Variants in PDE11A observed in about 807,000 individuals in gnomAD.
PDE11A encodes phosphodiesterase 11A, also known as dual 3',5'-cyclic-AMP and -GMP phosphodiesterase 11A.
Under a neutral mutation model 100.5 loss-of-function variants are expected in PDE11A, and 100 were observed. That is an observed-to-expected ratio of 1.00 (90% CI 0.85 to 1.18). PDE11A has a LOEUF of 1.18. Ranked by LOEUF, PDE11A falls within the 50% of genes most tolerant of loss-of-function variation. The pLI, the probability that PDE11A is intolerant of heterozygous loss-of-function variation, is 0.00. For synonymous variants in PDE11A, 381 were observed against 420.8 expected (o/e 0.91, Z 1.16); for missense variants, 1,141 against 1,152.6 (o/e 0.99, Z 0.15).
At chr2:177,825,099 CTTACTGAAT>C (rs1421057536) in intron 6 of PDE11A, among the ~76,000 whole-genome samples, 1 of 152,084 alleles carries the variant, frequency 6.6e-6, no homozygotes, top group Non-Finnish European at 1.5e-5. Flanking sequence ...CTGAAAATGG[CTTACTGAAT>C]TTAGCAACAT....
At chr2:177,994,134 T>C (rs934211326) in intron 2 of PDE11A, among the ~76,000 whole-genome samples, 21 of 152,038 alleles carry the variant, frequency 1.4e-4, no homozygotes, top group African/African-American at 4.8e-4. Flanking sequence ...TTTCACTATG[T>C]TGGGCGGGCT....
chr2:177,805,100 T>C (rs1212028265), intron 9 of PDE11A, among the ~76,000 whole-genome samples: 2 of 151,220 alleles, frequency 1.3e-5, no homozygotes, highest in East Asian at 3.9e-4. Context: ...AATATATATA[T>C]ATTTAGATGT....
chr2:177,708,905 A>C (rs1392135036), intron 13 of PDE11A, among the ~76,000 whole-genome samples: 2 of 152,236 alleles, frequency 1.3e-5, no homozygotes, highest in Non-Finnish European at 2.9e-5. Flanking sequence ...CAACCAGGGC[A>C]TAGGAAATTG....
At chr2:177,930,444 T>G (rs1359091019) in intron 2 of PDE11A, among the ~76,000 whole-genome samples, 2 of 149,732 alleles carry the variant, frequency 1.3e-5, no homozygotes, top group East Asian at 3.9e-4. Context: ...AAAAAAAAAG[T>G]CTTGGCATGA....
At chr2:177,959,497 C>T (rs1225322832) in intron 2 of PDE11A, among the ~76,000 whole-genome samples, 1 of 152,084 alleles carries the variant, frequency 6.6e-6, no homozygotes, top group Non-Finnish European at 1.5e-5. Flanking sequence ...ACCAATAGTC[C>T]AGACAAGAAA....
At chr2:177,984,737 GCTCT>G (rs1239139696) in intron 2 of PDE11A, among the ~76,000 whole-genome samples, 2 of 152,198 alleles carry the variant, frequency 1.3e-5, no homozygotes, top group Non-Finnish European at 2.9e-5. Flanking sequence ...TAGGACTAAT[GCTCT>G]CTCTATTAAT....
At chr2:177,717,332 C>T (rs546746649) in intron 12 of PDE11A, among the ~76,000 whole-genome samples, 1 of 151,652 alleles carries the variant, frequency 6.6e-6, no homozygotes, top group East Asian at 1.9e-4. Context: ...CCTCCCAGGG[C>T]TATCCATTCA....
Position 177,911,255 on chromosome 2 carries a change from A to G in PDE11A, c.1072-6068T>C, listed in dbSNP as rs564024057. 9.3e-4 allele frequency among the ~76,000 whole-genome samples: 141 copies of G among 152,360 alleles called. 1 individual carries two copies. The highest frequency in any genetic ancestry group is 6.8e-3 in the Middle Eastern group (2 of 294). On this transcript the variant is annotated intron_variant, in intron 2 of 19. Transcript: ENST00000286063. ...AACATATCAAAATATGAAAGCAGTC[A>G]CATTATTTTCATACGATGAAATACT...
intron 1 of PDE11A, among the ~76,000 whole-genome samples, chr2:178,035,175 T>C (rs1463693200): frequency 2.0e-5 from 3 of 150,514 alleles, no homozygotes; most frequent in African/African-American, 4.9e-5. Flanking sequence ...ATAGACACAA[T>C]AAAAAATGAT....
intron 2 of PDE11A, among the ~76,000 whole-genome samples, chr2:177,983,089 T>C (rs898999732): frequency 1.3e-5 from 2 of 150,288 alleles, no homozygotes; most frequent in African/African-American, 2.4e-5. Context: ...AAAAAAATCA[T>C]GAAAAATTTA....
chr2:177,782,965 G>C (rs79980669), intron 9 of PDE11A, among the ~76,000 whole-genome samples: 25,764 of 151,864 alleles, frequency 0.17, 2,587 homozygotes, highest in East Asian at 0.22. Flanking sequence ...ACCCTCTCAT[G>C]AAGTATCAGC....
upstream of PDE11A, among the ~76,000 whole-genome samples, chr2:178,076,099 A>AT (rs2087204758): frequency 6.6e-6 from 1 of 152,124 alleles, no homozygotes; most frequent in Admixed American, 6.5e-5. Context: ...AGTCCATAGA[A>AT]TCCCCCAGGG....
intron 1 of PDE11A, among the ~76,000 whole-genome samples, chr2:178,035,596 T>C (rs1346830099): frequency 6.6e-6 from 1 of 152,172 alleles, no homozygotes. Context: ...TTCAGGCCAA[T>C]GTCCCTGAAG....
intron 10 of PDE11A, among the ~76,000 whole-genome samples, chr2:177,742,842 G>GT (rs1559169343): frequency 2.0e-5 from 3 of 152,242 alleles, no homozygotes; most frequent in Non-Finnish European, 2.9e-5. Context: ...CCAAAGGTCA[G>GT]TAGAGGTAAT....
intron 5 of PDE11A, among the ~76,000 whole-genome samples, chr2:177,860,952 AG>A (rs1297529160): frequency 6.6e-6 from 1 of 151,874 alleles, no homozygotes; most frequent in Admixed American, 6.6e-5. Flanking sequence ...AACTAATAAA[AG>A]GACACTTAAC....
chr2:177,745,261 G>C (rs1025968711), intron 10 of PDE11A, among the ~76,000 whole-genome samples: 1 of 152,208 alleles, frequency 6.6e-6, no homozygotes, highest in Admixed American at 6.5e-5. Flanking sequence ...GTCTTTGGGA[G>C]AGTTAGCATT....
At chr2:177,661,725 C>T (rs928944151) in intron 19 of PDE11A, among the ~76,000 whole-genome samples, 1 of 152,096 alleles carries the variant, frequency 6.6e-6, no homozygotes, top group African/African-American at 2.4e-5. Flanking sequence ...ATTTTCACCC[C>T]CTGTTAAATG....
intron 2 of PDE11A, among the ~76,000 whole-genome samples, chr2:177,910,556 C>T (rs2084864864): frequency 6.6e-6 from 1 of 151,946 alleles, no homozygotes; most frequent in South Asian, 2.1e-4. Context: ...TTTCAGAATG[C>T]CAAAGGTCTA....
intron 2 of PDE11A, among the ~76,000 whole-genome samples, chr2:178,082,383 T>G (rs990017152): frequency 4.6e-5 from 7 of 152,224 alleles, no homozygotes; most frequent in African/African-American, 1.7e-4. Context: ...TATACCATTT[T>G]TTAATAGTAA....
Sources: allele counts gnomAD v4.1 joint callset (sites outside exome capture counted in the v4.1 genomes callset), GRCh38; gene constraint gnomAD v4.1.1; transcripts MANE v1.5; gene names NCBI Gene and HGNC (gene_info 2026-07-23, HGNC 2026-07-21).